FXYD6: variants seen among roughly 807,000 people sequenced by gnomAD.
FXYD6 encodes the protein FXYD domain-containing ion transport regulator 6.
FXYD6 carries 7 observed loss-of-function variants against 16.7 expected under a neutral mutation model. The observed-to-expected ratio is 0.42, with a 90% CI of 0.24 to 0.79. The LOEUF is 0.79. Ranked by LOEUF, FXYD6 falls within the 30% of genes least tolerant of loss-of-function variation. The pLI, the probability that FXYD6 is intolerant of heterozygous loss-of-function variation, is 0.28. For missense variants in FXYD6, 111 were observed against 116.2 expected, an observed-to-expected ratio of 0.95 and a Z score of 0.21; for synonymous variants, 49 against 43.0, an observed-to-expected ratio of 1.14 and a Z score of -0.54.
intron 1 of FXYD6, among the ~76,000 whole-genome samples, chr11:117,854,295 C>T (rs905878618): frequency 2.0e-5 from 3 of 152,164 alleles, no homozygotes; most frequent in African/African-American, 7.2e-5. Context: ...TTGACCAGCT[C>T]TAGCCGGAAG....
chr11:117,841,231 C>T (rs1193190081), intron 4 of FXYD6, 47 bp from the exon 5 acceptor site: 2 of 1,613,674 alleles, frequency 1.2e-6, no homozygotes, highest in Middle Eastern at 1.7e-4. Context: ...GGCTTGGCCA[C>T]AGCAGGGCCA....
intron 7 of FXYD6, chr11:117,838,594 A>C: frequency 5.9e-6 from 2 of 336,564 alleles, no homozygotes; most frequent in Non-Finnish European, 1.1e-5. Context: ...ATGAAAAGAC[A>C]TTTCATTTCC....
chr11:117,839,499 T>C (rs142558337), intron 7 of FXYD6: 1 of 440,350 alleles, frequency 2.3e-6, no homozygotes, highest in Non-Finnish European at 4.0e-6. Context: ...AATTCTCCCA[T>C]GTTGCACTTG....
intron 1 of FXYD6, among the ~76,000 whole-genome samples, chr11:117,873,501 C>T (rs1050934016): frequency 2.6e-5 from 4 of 152,242 alleles, no homozygotes; most frequent in Non-Finnish European, 5.9e-5. Flanking sequence ...AACGCATTTG[C>T]CTTTCGGTAG....
At chr11:117,845,047 T>A (rs939250644) in intron 1 of FXYD6, among the ~76,000 whole-genome samples, 1 of 152,220 alleles carries the variant, frequency 6.6e-6, no homozygotes, top group African/African-American at 2.4e-5. Flanking sequence ...TACAATTCAG[T>A]GATTTTTAGA....
chr11:117,837,180 C>G lies in FXYD6; in HGVS notation c.*1119G>C, dbSNP rs550339229. The G allele has an allele frequency of 4.6e-5, 7 of 152,254 alleles. No individual in the cohort carries two copies. The highest frequency in any genetic ancestry group is 2.1e-4 in the South Asian group (1 of 4,810). 9.4% of individuals were successfully genotyped at this position (152,254 alleles called of 1,614,324 possible). On this transcript the variant is annotated 3_prime_UTR_variant, in exon 8 of 8. Coordinates refer to ENST00000526014, the MANE Select transcript of FXYD6 (RefSeq NM_022003.4). The surrounding 1 kb of genome is among the most constrained non-coding windows in gnomAD (Gnocchi z 4.4). ...CACTGTTCCCAAGGGCTGCACGGAG[C>G]CTGCTGAGTCTCCAACCCACCTCGC...
chr11:117,857,264 G>T (rs2056753457), intron 1 of FXYD6, among the ~76,000 whole-genome samples: 1 of 152,334 alleles, frequency 6.6e-6, no homozygotes, highest in Admixed American at 6.5e-5. Context: ...ATGAGAACAG[G>T]TCTTTCCCAT....
chr11:117,845,553 T>C (rs564329232), intron 1 of FXYD6, among the ~76,000 whole-genome samples: 129 of 152,364 alleles, frequency 8.5e-4, no homozygotes, highest in African/African-American at 3.0e-3. Context: ...CTATAGTGCA[T>C]TCATTTTCAG....
At chr11:117,869,473 G>T (rs1309788164) in intron 1 of FXYD6, among the ~76,000 whole-genome samples, 3 of 152,218 alleles carry the variant, frequency 2.0e-5, no homozygotes, top group African/African-American at 4.8e-5. Flanking sequence ...CACTGCGAGG[G>T]TGCTGGAGGC....
At chr11:117,842,602 C>T in intron 2 of FXYD6, 117 bp downstream of exon 2, 1 of 1,038,048 alleles carries the variant, frequency 9.6e-7, no homozygotes. Flanking sequence ...CCTGACTAGA[C>T]ATGAAGAACG....
chr11:117,859,677 A>T (rs762708961), intron 1 of FXYD6, among the ~76,000 whole-genome samples: 1 of 152,204 alleles, frequency 6.6e-6, no homozygotes, highest in Non-Finnish European at 1.5e-5. Context: ...CTTCAGAGCC[A>T]GTCCCTTGTC....
intron 4 of FXYD6, 59 bp from the exon 5 acceptor site, chr11:117,841,243 G>C: frequency 6.2e-7 from 1 of 1,612,638 alleles, no homozygotes. Context: ...GCAGGGCCAA[G>C]GGTCTGTGCA....
At chr11:117,858,335 A>T (rs2056782187) in intron 1 of FXYD6, 1 of 152,236 alleles carries the variant, frequency 6.6e-6, no homozygotes, top group Non-Finnish European at 1.5e-5. Flanking sequence ...GTCGTCATCC[A>T]CTTGGGGGAC....
intron 1 of FXYD6, among the ~76,000 whole-genome samples, chr11:117,853,128 G>A (rs1465373333): frequency 1.3e-5 from 2 of 152,070 alleles, no homozygotes; most frequent in Non-Finnish European, 2.9e-5. Flanking sequence ...TCTACTTTTT[G>A]TTTCTGTGCC....
chr11:117,841,612 C>A, intron 4 of FXYD6, 179 bp downstream of exon 4: 1 of 654,658 alleles, frequency 1.5e-6, no homozygotes, highest in Non-Finnish European at 2.6e-6. Context: ...TCCCGTGTCA[C>A]TGTTTTACTG....
chr11:117,856,244 ATGCTCTATTATTTT>A (rs555576412), intron 1 of FXYD6, among the ~76,000 whole-genome samples: 271 of 152,360 alleles, frequency 1.8e-3, no homozygotes, highest in Middle Eastern at 6.8e-3. Flanking sequence ...ATATAGCAAC[ATGCTCTATTATTTT>A]TGATTCCACG....
Position 117,872,852 on chromosome 11 carries a change from G to A in FXYD6, c.-6+3740C>T, listed in dbSNP as rs753375720. Among the ~76,000 whole-genome samples, 10 of 152,170 alleles carry A rather than the reference G, an allele frequency of 6.6e-5. No individual in the cohort carries two copies. Among genetic ancestry groups the A allele is most frequent in the Non-Finnish European group, 1.0e-4 (7 of 68,028 alleles). ...AAATTGGTTCCATGCTTTTGTTTCG[G>A]CCGGAGATGTCCTGCCTCTCATCAG... On this transcript the variant is annotated intron_variant, in intron 1 of 7. Transcript: ENST00000526014. This position sits in a 1 kb window ranked among gnomAD's most constrained non-coding sequence, Gnocchi z 4.9.
rs1228720663 is a variant in FXYD6 at position 117,838,215 on chromosome 11, C to T, written c.*84G>A. On this transcript the variant is annotated 3_prime_UTR_variant, in exon 8 of 8. Transcript: ENST00000526014. ...GGGAAAGGGCTGTTGCTGAAGTGGC[C>T]GGTTTTCTTAAGCATCGACATTTGC... The T allele has an allele frequency of 1.0e-5, 7 of 702,368 alleles. No individual in the cohort carries two copies. Among genetic ancestry groups the T allele is most frequent in the African/African-American group, 3.5e-5 (2 of 57,212 alleles). 43.5% of individuals were successfully genotyped at this position (702,368 alleles called of 1,614,324 possible). A position where few individuals can be genotyped will look rare whatever the true frequency, so the allele number is the denominator to read the frequency against.
chr11:117,875,860 G>C (rs753884093), intron 1 of FXYD6, among the ~76,000 whole-genome samples: 1 of 152,146 alleles, frequency 6.6e-6, no homozygotes, highest in Non-Finnish European at 1.5e-5. Context: ...AGCCAGCGCT[G>C]GGAGCTCCAG....
Sources: allele counts gnomAD v4.1 joint callset (sites outside exome capture counted in the v4.1 genomes callset), GRCh38; gene constraint gnomAD v4.1.1; non-coding constraint Gnocchi (gnomAD v3.1); transcripts MANE v1.5; gene names NCBI Gene and HGNC (gene_info 2026-07-23, HGNC 2026-07-21).